SMYD3: variants seen among roughly 807,000 people sequenced by gnomAD.
SMYD3 encodes the protein SET and MYND domain containing 3.
SMYD3 carries 36 observed loss-of-function variants against 57.7 expected under a neutral mutation model. The ratio of observed to expected loss-of-function variants is 0.62; its 90% CI spans 0.48 to 0.82. The LOEUF (loss-of-function observed/expected upper bound fraction) is 0.82, where lower values mean the gene tolerates loss of function less well. Ranked by LOEUF, SMYD3 falls within the 40% of genes least tolerant of loss-of-function variation. The probability of loss-of-function intolerance (pLI) is 0.00; values close to 1 mark genes in which losing one functional copy is unlikely to be tolerated. For missense variants in SMYD3, 515 were observed against 538.8 expected (o/e 0.96, Z 0.44); for synonymous variants, 211 against 195.0 (o/e 1.08, Z -0.68).
chr1:245,962,557 C>T (rs1481499707), intron 5 of SMYD3, among the ~76,000 whole-genome samples: 1 of 152,098 alleles, frequency 6.6e-6, no homozygotes, highest in Admixed American at 6.6e-5. Context: ...TTTTAGGTTT[C>T]GTGGCCAGAC....
intron 7 of SMYD3, among the ~76,000 whole-genome samples, chr1:245,922,338 G>T (rs1332347294): frequency 6.6e-6 from 1 of 152,156 alleles, no homozygotes; most frequent in Non-Finnish European, 1.5e-5. Flanking sequence ...TTTCAGAGGA[G>T]CATGTATTAG....
chr1:245,924,739 C>T (rs970074800), intron 7 of SMYD3, among the ~76,000 whole-genome samples: 9 of 148,706 alleles, frequency 6.1e-5, no homozygotes, highest in Non-Finnish European at 1.0e-4. Context: ...CTTGGCTCAC[C>T]GCAACCTGCG....
At chr1:246,173,829 CA>C (rs1305048695) in intron 5 of SMYD3, among the ~76,000 whole-genome samples, 33 of 152,034 alleles carry the variant, frequency 2.2e-4, no homozygotes, top group African/African-American at 8.0e-4. Context: ...TTTTCTGAGA[CA>C]GGGTCTTGCT....
intron 8 of SMYD3, among the ~76,000 whole-genome samples, chr1:245,915,142 A>C (rs76630695): frequency 0.023 from 3,455 of 152,314 alleles, 115 homozygotes; most frequent in African/African-American, 0.07. Flanking sequence ...AACATTTTTA[A>C]AGAAATAAAC....
intron 5 of SMYD3, among the ~76,000 whole-genome samples, chr1:246,132,931 G>A (rs2148074155): frequency 6.6e-6 from 1 of 152,102 alleles, no homozygotes; most frequent in African/African-American, 2.4e-5. Context: ...GCCATAATGA[G>A]GTTGCCACTT....
At chr1:246,108,075 C>G (rs936369212) in intron 5 of SMYD3, among the ~76,000 whole-genome samples, 2 of 152,146 alleles carry the variant, frequency 1.3e-5, no homozygotes, top group Non-Finnish European at 2.9e-5. Context: ...TTATAACGGA[C>G]TTACAGAGCT....
intron 5 of SMYD3, among the ~76,000 whole-genome samples, chr1:246,306,317 A>G (rs2064977841): frequency 6.6e-6 from 1 of 152,224 alleles, no homozygotes; most frequent in African/African-American, 2.4e-5. Flanking sequence ...ACTGCACTCC[A>G]GCATGGGTGA....
chr1:245,802,082 G>A (rs187929989), intron 10 of SMYD3, among the ~76,000 whole-genome samples: 79 of 152,304 alleles, frequency 5.2e-4, no homozygotes, highest in Admixed American at 9.2e-4. Context: ...GTGGACTGAC[G>A]TTAGGAATGC....
intron 1 of SMYD3, among the ~76,000 whole-genome samples, chr1:246,437,517 T>TA (rs2067398005): frequency 6.6e-6 from 1 of 152,196 alleles, no homozygotes; most frequent in African/African-American, 2.4e-5. Flanking sequence ...TCTGATGGGT[T>TA]AAAAAACAAA....
chr1:246,274,724 T>C (rs1279001160), intron 5 of SMYD3, among the ~76,000 whole-genome samples: 1 of 152,062 alleles, frequency 6.6e-6, no homozygotes, highest in East Asian at 1.9e-4. Context: ...CCCATGGGAA[T>C]ATGACAAAAA....
chr1:246,076,776 G>A (rs1473444455), intron 5 of SMYD3, among the ~76,000 whole-genome samples: 3 of 151,604 alleles, frequency 2.0e-5, no homozygotes, highest in Non-Finnish European at 4.4e-5. Context: ...CAATCAGTCA[G>A]TATTTATTGA....
chr1:246,264,387 T>C (rs1054404042), intron 5 of SMYD3, among the ~76,000 whole-genome samples: 1 of 152,228 alleles, frequency 6.6e-6, no homozygotes, highest in Admixed American at 6.5e-5. Context: ...CAATGGCTCA[T>C]ACCTATAATC....
intron 10 of SMYD3, among the ~76,000 whole-genome samples, chr1:245,806,311 G>A (rs2048140818): frequency 1.3e-5 from 2 of 152,148 alleles, no homozygotes; most frequent in Non-Finnish European, 1.5e-5. Flanking sequence ...GCTTATATTT[G>A]TTGAATGCTT....
intron 10 of SMYD3, among the ~76,000 whole-genome samples, chr1:245,781,959 A>G (rs1172212941): frequency 6.9e-6 from 1 of 144,276 alleles, no homozygotes; most frequent in African/African-American, 2.5e-5. Context: ...ACAGAGTGAG[A>G]CTATGTCTCA....
At chr1:246,014,854 G>A (rs1047816433) in intron 5 of SMYD3, among the ~76,000 whole-genome samples, 6 of 151,956 alleles carry the variant, frequency 3.9e-5, no homozygotes, top group Non-Finnish European at 4.4e-5. Flanking sequence ...CCAAGCAGAC[G>A]ATGAACTTGT....
chr1:246,034,470 T>C (rs1277682445), intron 5 of SMYD3: 1 of 152,212 alleles, frequency 6.6e-6, no homozygotes, highest in Non-Finnish European at 1.5e-5. Flanking sequence ...TTAATTGGCA[T>C]GCTCTTTTAC....
chr1:246,329,541 TG>T (rs1332261768), intron 4 of SMYD3, among the ~76,000 whole-genome samples: 34 of 152,290 alleles, frequency 2.2e-4, no homozygotes, highest in African/African-American at 7.9e-4. Context: ...TGGGGTTGTT[TG>T]TTTTTTTCTT....
intron 1 of SMYD3, among the ~76,000 whole-genome samples, chr1:246,486,170 T>C (rs977429528): frequency 2.0e-5 from 3 of 152,228 alleles, no homozygotes; most frequent in Admixed American, 6.5e-5. Flanking sequence ...TTTTTATTAT[T>C]GTTGTTAACC....
At chr1:246,193,951 A>C (rs1486294812) in intron 5 of SMYD3, among the ~76,000 whole-genome samples, 2 of 152,164 alleles carry the variant, frequency 1.3e-5, no homozygotes, top group Non-Finnish European at 2.9e-5. Flanking sequence ...AATCATGTTC[A>C]CGCAAGCCAG....
Sources: gnomAD v4.1 joint callset for allele counts (sites outside exome capture counted in the v4.1 genomes callset) on GRCh38, gnomAD v4.1.1 for gene constraint, MANE v1.5 for transcripts, NCBI Gene and HGNC (gene_info 2026-07-23, HGNC 2026-07-21) for gene names.